Variants in SLC25A21 observed in about 807,000 individuals in gnomAD.
The protein encoded by SLC25A21 is mitochondrial 2-oxodicarboxylate carrier.
Under a neutral mutation model 43.8 loss-of-function variants are expected in SLC25A21, and 47 were observed. That is an observed-to-expected ratio of 1.07 (90% CI 0.85 to 1.37). SLC25A21 has a LOEUF of 1.37. SLC25A21 is among the 40% of genes most tolerant of loss of function. The pLI is 0.00. For synonymous variants in SLC25A21, 131 were observed against 121.3 expected (o/e 1.08, Z -0.52); for missense variants, 352 against 350.2 (o/e 1.00, Z -0.04).
intron 3 of SLC25A21, among the ~76,000 whole-genome samples, chr14:36,790,866 G>T (rs1453904194): frequency 6.6e-6 from 1 of 152,078 alleles, no homozygotes; most frequent in Non-Finnish European, 1.5e-5. Flanking sequence ...GGAAAAAAGG[G>T]GAGTGTGCAG....
chr14:37,051,643 T>C (rs1363792307), intron 1 of SLC25A21, among the ~76,000 whole-genome samples: 1 of 152,114 alleles, frequency 6.6e-6, no homozygotes, highest in Non-Finnish European at 1.5e-5. Flanking sequence ...GCTACTTCAA[T>C]ACCGAGGGAT....
intron 7 of SLC25A21, among the ~76,000 whole-genome samples, chr14:36,707,270 C>T (rs77009464): frequency 0.017 from 2,638 of 152,284 alleles, 66 homozygotes; most frequent in African/African-American, 0.059. Context: ...TTCTCCTTTA[C>T]GCTCCTAAAT....
intron 2 of SLC25A21, among the ~76,000 whole-genome samples, chr14:36,851,206 C>T (rs1889724202): frequency 6.6e-6 from 1 of 152,108 alleles, no homozygotes; most frequent in Admixed American, 6.5e-5. Flanking sequence ...CCATATGTGT[C>T]ACATGATTTG....
chr14:36,867,206 A>G (rs1890237720), intron 2 of SLC25A21, among the ~76,000 whole-genome samples: 1 of 152,128 alleles, frequency 6.6e-6, no homozygotes, highest in East Asian at 1.9e-4. Context: ...AAACTCCACC[A>G]GAGGCTTGTA....
chr14:37,074,020 C>T (rs1339985286), intron 1 of SLC25A21, among the ~76,000 whole-genome samples: 1 of 104,554 alleles, frequency 9.6e-6, no homozygotes, highest in East Asian at 3.5e-4. Context: ...TCAATTATAT[C>T]TAGAACTAGT....
intron 3 of SLC25A21, among the ~76,000 whole-genome samples, chr14:36,752,933 G>C (rs1885764194): frequency 6.6e-6 from 1 of 152,162 alleles, no homozygotes; most frequent in Non-Finnish European, 1.5e-5. Context: ...CAGACATACT[G>C]ACTATAAGTC....
intron 6 of SLC25A21, among the ~76,000 whole-genome samples, chr14:36,717,168 T>C (rs1414010811): frequency 2.6e-5 from 4 of 152,232 alleles, no homozygotes; most frequent in African/African-American, 9.7e-5. Context: ...AAATGAGGTC[T>C]TGAAGCATTT....
intron 3 of SLC25A21, among the ~76,000 whole-genome samples, chr14:36,798,367 G>C (rs1887745324): frequency 6.6e-6 from 1 of 152,170 alleles, no homozygotes; most frequent in South Asian, 2.1e-4. Flanking sequence ...TATAAGAAGT[G>C]TGAAGAAACC....
chr14:37,040,420 AAAG>A (rs1301553297), intron 1 of SLC25A21, among the ~76,000 whole-genome samples: 2 of 101,378 alleles, frequency 2.0e-5, no homozygotes, highest in African/African-American at 1.6e-4. Context: ...AGAAAGAAAG[AAAG>A]AAAGAAAGAA....
At chr14:37,154,881 A>T (rs919285713) in intron 1 of SLC25A21, among the ~76,000 whole-genome samples, 3 of 152,132 alleles carry the variant, frequency 2.0e-5, no homozygotes, top group African/African-American at 7.2e-5. Flanking sequence ...ACCTCAGGTG[A>T]TCTACCCGCC....
At chr14:36,683,777 G>C (rs376789441) in intron 9 of SLC25A21, 51 bp downstream of exon 9, 64 of 1,295,868 alleles carry the variant, frequency 4.9e-5, no homozygotes, top group Non-Finnish European at 6.8e-5. Context: ...CAAAAAAAGA[G>C]ACGCTAGAAC....
chr14:36,980,217 A>T (rs956282980), intron 1 of SLC25A21, among the ~76,000 whole-genome samples: 2 of 152,154 alleles, frequency 1.3e-5, no homozygotes, highest in Admixed American at 6.5e-5. Flanking sequence ...TCTGACAAGT[A>T]TGTGTCTTGG....
chr14:36,738,244 T>C (rs17105177), intron 3 of SLC25A21, among the ~76,000 whole-genome samples: 2,198 of 152,334 alleles, frequency 0.014, 53 homozygotes, highest in African/African-American at 0.05. Flanking sequence ...CTGAAAGTTT[T>C]CCCAACGCAA....
In SLC25A21 at chr14:36,710,387, GA is replaced by G. The variant is rs1883792997; in HGVS notation, c.603+930del. Among the ~76,000 whole-genome samples the G allele has an allele frequency of 2.8e-5, 4 of 142,228 alleles. No individual in the cohort carries two copies. The South Asian group carries it at 9.2e-4, about 33-fold the overall frequency. The allele number at this position is 142,228 out of a possible 152,430, so 93.3% of individuals were successfully genotyped here. ...AAACTCTGTCTCCAAGAAAAAAAAA[GA>G]AAAGAAAAGAAAAAAAAGGAAACGG... is the stretch of plus-strand genomic sequence containing the variant. On this transcript the variant is annotated intron_variant, in intron 7 of 9. Transcript: ENST00000331299.
intron 1 of SLC25A21, among the ~76,000 whole-genome samples, chr14:36,977,720 A>G (rs1311884119): frequency 6.6e-6 from 1 of 152,166 alleles, no homozygotes; most frequent in African/African-American, 2.4e-5. Flanking sequence ...TATTTATATC[A>G]CACATTACTG....
chr14:36,878,546 A>C (rs1322608057), intron 1 of SLC25A21, among the ~76,000 whole-genome samples: 1 of 152,218 alleles, frequency 6.6e-6, no homozygotes, highest in East Asian at 1.9e-4. Flanking sequence ...TAACCATATA[A>C]ATAGAATCAG....
intron 1 of SLC25A21, among the ~76,000 whole-genome samples, chr14:37,065,051 C>G (rs759604514): frequency 1.4e-4 from 22 of 152,166 alleles, no homozygotes; most frequent in Admixed American, 1.4e-3. Context: ...ACAAAACAAA[C>G]AAACCATACA....
intron 1 of SLC25A21, among the ~76,000 whole-genome samples, chr14:36,988,345 G>A (rs889000871): frequency 1.3e-5 from 2 of 152,256 alleles, no homozygotes; most frequent in Middle Eastern, 3.4e-3. Flanking sequence ...AACAGGGTAC[G>A]TGTCTTCAAC....
chr14:36,784,720 C>G (rs1887187517), intron 3 of SLC25A21, among the ~76,000 whole-genome samples: 1 of 152,200 alleles, frequency 6.6e-6, no homozygotes, highest in South Asian at 2.1e-4. Context: ...CTTTGTATCT[C>G]TCTTCCCTCC....
Sources: allele counts gnomAD v4.1 joint callset (sites outside exome capture counted in the v4.1 genomes callset), GRCh38; gene constraint gnomAD v4.1.1; transcripts MANE v1.5; gene names NCBI Gene and HGNC (gene_info 2026-07-23, HGNC 2026-07-21).